TC2N: variants seen among roughly 807,000 people sequenced by gnomAD.
TC2N encodes the protein tandem C2 domains, nuclear, also known as tandem C2 domains nuclear protein.
A neutral mutation model predicts 61.9 loss-of-function variants in TC2N; 51 were observed. The observed-to-expected ratio is 0.82, with a 90% confidence interval of 0.66 to 1.04. The LOEUF (loss-of-function observed/expected upper bound fraction) is 1.04, where lower values mean the gene tolerates loss of function less well. Ranked by LOEUF, TC2N falls within the 50% of genes least tolerant of loss-of-function variation. The pLI is 0.00. For missense variants in TC2N, 556 were observed against 566.7 expected (o/e 0.98, Z 0.19); for synonymous variants, 204 against 192.6 (o/e 1.06, Z -0.49).
At chr14:91,786,821 T>C (rs1225141706) in intron 10 of TC2N, among the ~76,000 whole-genome samples, 2 of 152,358 alleles carry the variant, frequency 1.3e-5, no homozygotes, top group South Asian at 4.1e-4. Flanking sequence ...TTTAGTTTTA[T>C]TGATTATGCC....
chr14:91,841,976 C>CTTTTT (rs10682178), intron 1 of TC2N, among the ~76,000 whole-genome samples: 1 of 125,772 alleles, frequency 8.0e-6, no homozygotes. Flanking sequence ...TCCCTTCCAC[C>CTTTTT]TTTTTTTTTT....
At chr14:91,858,152 C>CTTTTTTTT (rs56379239) in intron 1 of TC2N, among the ~76,000 whole-genome samples, 2 of 92,336 alleles carry the variant, frequency 2.2e-5, no homozygotes, top group African/African-American at 8.0e-5. Context: ...TCTTCTTCTT[C>CTTTTTTTT]TTTTTTTTTT....
At chr14:91,810,249 G>T (rs374908252) in intron 3 of TC2N, among the ~76,000 whole-genome samples, 6 of 152,082 alleles carry the variant, frequency 3.9e-5, no homozygotes, top group African/African-American at 1.2e-4. Context: ...ATACATGAGG[G>T]ATCTGCCCCC....
At chr14:91,818,568 GA>G (rs995636422) in intron 1 of TC2N, among the ~76,000 whole-genome samples, 16 of 149,532 alleles carry the variant, frequency 1.1e-4, no homozygotes, top group South Asian at 8.5e-4. Flanking sequence ...TAATGAAGAG[GA>G]AAAAAAAATC....
At chr14:91,857,392 C>G (rs1595279519) in intron 1 of TC2N, among the ~76,000 whole-genome samples, 1 of 152,138 alleles carries the variant, frequency 6.6e-6, no homozygotes, top group African/African-American at 2.4e-5. Context: ...CCACTTTAGT[C>G]TCCCAAGTCC....
At chr14:91,856,232 T>G (rs1255542274) in intron 1 of TC2N, among the ~76,000 whole-genome samples, 2 of 152,162 alleles carry the variant, frequency 1.3e-5, no homozygotes, top group Non-Finnish European at 2.9e-5. Flanking sequence ...CTCACACCTA[T>G]AATCCCAGCA....
chr14:91,867,129 T>C (rs986858113), intron 1 of TC2N, 133 bp downstream of exon 1: 5 of 152,120 alleles, frequency 3.3e-5, no homozygotes, highest in African/African-American at 4.8e-5. Context: ...CATTTTGACA[T>C]GAACAAATAA....
intron 1 of TC2N, among the ~76,000 whole-genome samples, chr14:91,815,247 A>T (rs1886956571): frequency 6.6e-6 from 1 of 151,552 alleles, no homozygotes; most frequent in Non-Finnish European, 1.5e-5. Context: ...AAAACATGGC[A>T]CCCCATAAAA....
intron 1 of TC2N, among the ~76,000 whole-genome samples, chr14:91,835,859 G>C (rs954182681): frequency 3.3e-5 from 5 of 152,216 alleles, no homozygotes; most frequent in Non-Finnish European, 1.5e-5. Context: ...CCACCTGGAC[G>C]CGCCGTCGGA....
At chr14:91,791,088 C>T (rs927728583) in intron 9 of TC2N, among the ~76,000 whole-genome samples, 1 of 149,706 alleles carries the variant, frequency 6.7e-6, no homozygotes, top group Non-Finnish European at 1.5e-5. Flanking sequence ...GCTGTGATTG[C>T]GTACCATACT....
At chr14:91,801,830 T>C (rs2139845398) in intron 4 of TC2N, among the ~76,000 whole-genome samples, 1 of 152,354 alleles carries the variant, frequency 6.6e-6, no homozygotes, top group Non-Finnish European at 1.5e-5. Flanking sequence ...TATATATACA[T>C]TGCAGAATGA....
chr14:91,795,562 C>CA (rs1249607443), intron 8 of TC2N, among the ~76,000 whole-genome samples: 7 of 152,120 alleles, frequency 4.6e-5, no homozygotes, highest in Admixed American at 6.5e-5. Context: ...CTCAGATGAT[C>CA]ATTAACATTT....
intron 1 of TC2N, among the ~76,000 whole-genome samples, chr14:91,833,308 T>C (rs1443708444): frequency 1.3e-5 from 2 of 152,104 alleles, no homozygotes; most frequent in East Asian, 3.9e-4. Flanking sequence ...GAAAACTATA[T>C]GAATAAAATA....
rs145194060 is a variant in TC2N at position 91,798,389 on chromosome 14, A to C, written c.648T>G (p.Thr216=). 3.3e-4 allele frequency: 514 copies of C among 1,545,194 alleles called. No individual in the cohort carries two copies. Among genetic ancestry groups the C allele is most frequent in the Non-Finnish European group, 4.3e-4 (485 of 1,130,766 alleles). ...QGSNRSLDTI[T]LSGDERDFGR... ...CAAAGTCCCTTTCATCTCCTGATAG[A>C]GTAATTGTATCTGAATTATAAAAGG... The change falls in exon 7 of 12, where the codon ACT becomes ACG. Residue 216 remains threonine, a synonymous_variant. Coordinates refer to ENST00000435962, the MANE Select transcript of TC2N (RefSeq NM_001128596.3).
chr14:91,830,814 C>A (rs528058057), intron 1 of TC2N, among the ~76,000 whole-genome samples: 50 of 152,324 alleles, frequency 3.3e-4, no homozygotes, highest in African/African-American at 1.1e-3. Flanking sequence ...GTGGTCACAA[C>A]TTCCCAAGGA....
At chr14:91,797,276 A>C (rs1268584689) in intron 8 of TC2N, among the ~76,000 whole-genome samples, 1 of 152,106 alleles carries the variant, frequency 6.6e-6, no homozygotes, top group East Asian at 1.9e-4. Flanking sequence ...GATGTCTTTT[A>C]GAAGATATCT....
chr14:91,847,371 G>A (rs1888291800), intron 1 of TC2N, among the ~76,000 whole-genome samples: 1 of 152,146 alleles, frequency 6.6e-6, no homozygotes, highest in Non-Finnish European at 1.5e-5. Flanking sequence ...ACTGCATCTA[G>A]GCTAACCATA....
At chr14:91,809,728 A>G (rs1886681416) in intron 3 of TC2N, among the ~76,000 whole-genome samples, 1 of 152,242 alleles carries the variant, frequency 6.6e-6, no homozygotes, top group Admixed American at 6.5e-5. Flanking sequence ...GTACAGTTCA[A>G]GAAAATCAGA....
At chr14:91,793,084 C>A (rs540366022) in intron 8 of TC2N, among the ~76,000 whole-genome samples, 14 of 152,306 alleles carry the variant, frequency 9.2e-5, no homozygotes, top group African/African-American at 3.4e-4. Flanking sequence ...CCTTTCCGAT[C>A]TGAAAATCTA....
Sources: allele counts gnomAD v4.1 joint callset (sites outside exome capture counted in the v4.1 genomes callset), GRCh38; gene constraint gnomAD v4.1.1; transcripts MANE v1.5; gene names NCBI Gene and HGNC (gene_info 2026-07-23, HGNC 2026-07-21).